Variants in CACNB2 observed in about 807,000 individuals in gnomAD.
CACNB2 encodes the protein calcium voltage-gated channel auxiliary subunit beta 2.
A neutral mutation model predicts 73.3 loss-of-function variants in CACNB2; 42 were observed. That is an observed-to-expected ratio of 0.57 (90% CI 0.45 to 0.74). The LOEUF (loss-of-function observed/expected upper bound fraction) is 0.74. Among genes scored for constraint, CACNB2 ranks in the 30% least tolerant of loss-of-function variants. The pLI, the probability that CACNB2 is intolerant of heterozygous loss-of-function variation, is 0.00. For synonymous variants in CACNB2, 348 were observed against 310.3 expected (o/e 1.12, Z -1.28); for missense variants, 940 against 853.0 (o/e 1.10, Z -1.27).
chr10:18,254,284 T>C (rs923549494), intron 2 of CACNB2, among the ~76,000 whole-genome samples: 2 of 152,222 alleles, frequency 1.3e-5, no homozygotes, highest in Admixed American at 6.5e-5. Flanking sequence ...TTTATTAGGG[T>C]TACACAATCT....
chr10:18,180,582 T>C (rs1283652494), intron 2 of CACNB2, among the ~76,000 whole-genome samples: 1 of 151,970 alleles, frequency 6.6e-6, no homozygotes, highest in Non-Finnish European at 1.5e-5. Flanking sequence ...CCCTCCCTCA[T>C]GGGGCAGTTA....
Position 18,220,231 on chromosome 10 carries a change from A to ATG in CACNB2, c.213+69257_213+69258insGT. ...TATATATATATATATATATATATAT[A>ATG]TAGAGAGAGAGAGAGAGAGAGAGAG... On this transcript the variant is annotated intron_variant, in intron 2 of 13. Coordinates refer to ENST00000324631, the MANE Select transcript of CACNB2 (RefSeq NM_201596.3). Among the ~76,000 whole-genome samples the ATG allele has an allele frequency of 4.5e-5, 2 of 44,092 alleles. 1 individual carries two copies. Among genetic ancestry groups the ATG allele is most frequent in the South Asian group, 1.3e-3 (2 of 1,482 alleles). 28.9% of individuals were successfully genotyped at this position (44,092 alleles called of 152,430 possible). A position where few individuals can be genotyped will look rare whatever the true frequency, so the allele number is the denominator to read the frequency against.
intron 2 of CACNB2, among the ~76,000 whole-genome samples, chr10:18,295,514 G>A (rs1053411752): frequency 2.0e-5 from 3 of 152,174 alleles, no homozygotes. Flanking sequence ...GAACCTCCCA[G>A]TGTTCCATAT....
chr10:18,319,429 C>A (rs868726060), intron 2 of CACNB2, among the ~76,000 whole-genome samples: 11 of 151,710 alleles, frequency 7.3e-5, no homozygotes, highest in Non-Finnish European at 1.6e-4. Context: ...GGGGACCAAC[C>A]CACACCAGGG....
intron 2 of CACNB2, among the ~76,000 whole-genome samples, chr10:18,340,490 G>C (rs1329534058): frequency 6.6e-6 from 1 of 152,182 alleles, no homozygotes; most frequent in Non-Finnish European, 1.5e-5. Flanking sequence ...AGCTTATCCA[G>C]TTATGCAACC....
At chr10:18,323,198 A>G (rs1043706517) in intron 2 of CACNB2, among the ~76,000 whole-genome samples, 4 of 151,764 alleles carry the variant, frequency 2.6e-5, no homozygotes, top group African/African-American at 9.7e-5. Context: ...GGCTCATGCA[A>G]TCCTCTCGCC....
At chr10:18,236,636 TATC>T (rs1473685783) in intron 2 of CACNB2, among the ~76,000 whole-genome samples, 4 of 152,292 alleles carry the variant, frequency 2.6e-5, no homozygotes, top group Admixed American at 6.5e-5. Context: ...CAAATAGACA[TATC>T]ATACCAGAAG....
intron 2 of CACNB2, among the ~76,000 whole-genome samples, chr10:18,154,884 A>C (rs2031917385): frequency 6.6e-6 from 1 of 152,226 alleles, no homozygotes; most frequent in Non-Finnish European, 1.5e-5. Context: ...AGGCCTCACC[A>C]AAAAGCAACC....
At chr10:18,205,991 T>C (rs1189917474) in intron 2 of CACNB2, 1 of 152,736 alleles carries the variant, frequency 6.5e-6, no homozygotes, top group African/African-American at 2.4e-5. Context: ...GAGAATTTTT[T>C]TGTTTGTTTG....
intron 2 of CACNB2, chr10:18,400,784 A>G (rs1396858136): frequency 7.1e-7 from 1 of 1,402,860 alleles, no homozygotes; most frequent in Non-Finnish European, 9.2e-7. Context: ...TGTCTTCTTT[A>G]TTTTTAAAGC....
At chr10:18,271,729 ATC>A (rs922141771) in intron 2 of CACNB2, among the ~76,000 whole-genome samples, 3 of 152,036 alleles carry the variant, frequency 2.0e-5, no homozygotes, top group Non-Finnish European at 4.4e-5. Context: ...TGCTGAATAG[ATC>A]TGTTTCCCAT....
At chr10:18,162,707 C>T (rs1294572084) in intron 2 of CACNB2, among the ~76,000 whole-genome samples, 1 of 152,058 alleles carries the variant, frequency 6.6e-6, no homozygotes, top group African/African-American at 2.4e-5. Context: ...AGAACCAGCT[C>T]CTAGGGAATT....
At chr10:18,287,982 A>G (rs2038877371) in intron 2 of CACNB2, among the ~76,000 whole-genome samples, 1 of 152,150 alleles carries the variant, frequency 6.6e-6, no homozygotes, top group Admixed American at 6.5e-5. Context: ...CTCAGCTCCT[A>G]GCTGTATCAC....
At chr10:18,343,822 C>G (rs2041333021) in intron 2 of CACNB2, among the ~76,000 whole-genome samples, 1 of 152,124 alleles carries the variant, frequency 6.6e-6, no homozygotes. Context: ...GAGGGGAAAG[C>G]AAATACAAAC....
chr10:18,213,865 T>G (rs2035411536), intron 2 of CACNB2, among the ~76,000 whole-genome samples: 1 of 152,206 alleles, frequency 6.6e-6, no homozygotes, highest in Non-Finnish European at 1.5e-5. Flanking sequence ...GAATTTTTAA[T>G]GAGATAATGC....
chr10:18,439,259 T>G (rs570423946), intron 3 of CACNB2, among the ~76,000 whole-genome samples: 1 of 152,364 alleles, frequency 6.6e-6, no homozygotes, highest in African/African-American at 2.4e-5. Context: ...ATGCGGAAGC[T>G]AATGGAAGAT....
chr10:18,301,151 T>A (rs2039495470), intron 2 of CACNB2, among the ~76,000 whole-genome samples: 1 of 152,162 alleles, frequency 6.6e-6, no homozygotes, highest in Non-Finnish European at 1.5e-5. Flanking sequence ...AGAAGTTTGG[T>A]GATTTTAATC....
intron 3 of CACNB2, among the ~76,000 whole-genome samples, chr10:18,455,178 A>G (rs1013824525): frequency 3.9e-5 from 6 of 152,224 alleles, no homozygotes; most frequent in Non-Finnish European, 7.3e-5. Context: ...AGGAACTTAT[A>G]TTTTTAGGAA....
chr10:18,481,849 AC>A (rs1264808293), intron 3 of CACNB2, among the ~76,000 whole-genome samples: 1 of 152,204 alleles, frequency 6.6e-6, no homozygotes, highest in Non-Finnish European at 1.5e-5. Context: ...AGCCATTACA[AC>A]TGACATGAAA....
Sources: gnomAD v4.1 joint callset for allele counts (sites outside exome capture counted in the v4.1 genomes callset) on GRCh38, gnomAD v4.1.1 for gene constraint, MANE v1.5 for transcripts, NCBI Gene and HGNC (gene_info 2026-07-23, HGNC 2026-07-21) for gene names.